The following MICAL1 variants were observed in gnomAD, a reference collection of about 807,000 sequenced individuals.
MICAL1 encodes [F-actin]-monooxygenase MICAL1.
Under a neutral mutation model 131.8 loss-of-function variants are expected in MICAL1, and 95 were observed. The observed-to-expected ratio is 0.72, with a 90% CI of 0.61 to 0.86. The LOEUF (loss-of-function observed/expected upper bound fraction) is 0.86. MICAL1 is among the 40% of genes least tolerant of loss of function. The probability of loss-of-function intolerance (pLI) is 0.00; values close to 1 mark genes in which losing one functional copy is unlikely to be tolerated. For synonymous variants in MICAL1, 546 were observed against 554.2 expected, an observed-to-expected ratio of 0.99 and a Z score of 0.21; for missense variants, 1,292 against 1,380.6, an observed-to-expected ratio of 0.94 and a Z score of 1.02.
intron 11 of MICAL1, 182 bp downstream of exon 11, chr6:109,449,218 C>T: frequency 1.3e-6 from 1 of 743,448 alleles, no homozygotes; most frequent in South Asian, 1.5e-5. Context: ...TGGCAGCCAA[C>T]TGCTGCCTGT....
chr6:109,446,403 T>C lies in MICAL1; in HGVS notation c.2314A>G (p.Thr772Ala), dbSNP rs746354485. ...DRGPESPELP[T>A]PSENSMPPGL... is the part of the protein sequence containing the mutation. Reference sequence around the variant, plus strand: ...GGTGGCATGCTATTCTCACTTGGTGTGGGGAGCTCCTGGAAAAGCCACCAT... The same window carrying C: ...GGTGGCATGCTATTCTCACTTGGTGCGGGGAGCTCCTGGAAAAGCCACCAT... The change falls in exon 19 of 25, where the codon ACA becomes GCA. Residue 772 changes from threonine (T) to alanine (A), a missense_variant. Transcript: ENST00000358807. The C allele has an allele frequency of 1.8e-5, 23 of 1,246,568 alleles. No individual in the cohort carries two copies. Among genetic ancestry groups the C allele is most frequent in the African/African-American group, 1.6e-4 (5 of 32,090 alleles). The allele number at this position is 1,246,568 out of a possible 1,614,324, so 77.2% of individuals were successfully genotyped here. A position where few individuals can be genotyped will look rare whatever the true frequency, so the allele number is the denominator to read the frequency against.
intron 1 of MICAL1, chr6:109,465,389 G>A (rs12529135): frequency 4.1e-6 from 2 of 492,896 alleles, no homozygotes; most frequent in Admixed American, 7.5e-5. Context: ...GCCCTGACTT[G>A]TCTTGTGGTA....
Position 109,453,811 on chromosome 6 carries a change from C to A in MICAL1, c.293G>T (p.Arg98Leu). The stretch of plus-strand genomic sequence containing the variant: ...CAGCAGCGCCAGCTCCACAGCGACC[C>A]GCAGCCCGCAAGGTCCAGCACCCAC... The part of the protein sequence containing the change: ...LVVGAGPCGL[R>L]VAVELALLGA... The change falls in exon 3 of 25, where the codon CGG becomes CTG. Residue 98 changes from arginine (R) to leucine (L), a missense_variant. Arg to Leu is a moderately radical substitution (Grantham distance 102). Coordinates refer to ENST00000358807, the MANE Select transcript of MICAL1 (RefSeq NM_022765.4). 6.2e-7 allele frequency: 1 copy of A among 1,613,656 alleles called. No individual in the cohort carries two copies. Among genetic ancestry groups the A allele is most frequent in the Non-Finnish European group, 8.5e-7 (1 of 1,180,024 alleles).
rs777642656 is a variant in MICAL1, at chr6:109,447,126, T to C, written c.2174A>G (p.His725Arg). Residue 725 changes from histidine to arginine, a missense_variant, in exon 17 of 25, where the codon CAT becomes CGT. Coordinates refer to ENST00000358807, the MANE Select transcript of MICAL1 (RefSeq NM_022765.4). ...TGGCCACAGTGTGGCCTCACAGGTA[T>C]GGCAGCGGAAGCAGCTCCGGTGGAA... ...HFFHRSCFRC[H>R]TCEATLWPGG... The C allele has an allele frequency of 1.9e-6, 3 of 1,614,188 alleles. No individual in the cohort carries two copies. The highest frequency in any genetic ancestry group is 2.2e-5 in the East Asian group (1 of 44,884).
intron 13 of MICAL1, 50 bp from the exon 14 acceptor site, chr6:109,448,013 ACT>A: frequency 2.0e-6 from 3 of 1,519,000 alleles, no homozygotes; most frequent in Non-Finnish European, 2.7e-6. Context: ...CCAATACTGT[ACT>A]CTCAGAACAG....
chr6:109,465,465 G>A (rs748332897), intron 1 of MICAL1: 22 of 612,384 alleles, frequency 3.6e-5, no homozygotes, highest in Non-Finnish European at 5.6e-5. Context: ...CAACCAAAAT[G>A]ACTCCCTTTG....
Position 109,455,653 on chromosome 6 carries a change from G to C in MICAL1, c.-44+66C>G. ...CGAGCGACCGCAGCTGCGTTTCCCC[G>C]GAAGCGCACCCCACCTCACCCCACC... is the stretch of plus-strand genomic sequence containing the variant. On this transcript the variant is annotated intron_variant, in intron 1 of 24. Coordinates refer to ENST00000358807, the MANE Select transcript of MICAL1 (RefSeq NM_022765.4). The surrounding 1 kb of genome is among the most constrained non-coding windows in gnomAD (Gnocchi z 4.7). The C allele has an allele frequency of 1.0e-6, 1 of 966,376 alleles. No individual in the cohort carries two copies. Among genetic ancestry groups the C allele is most frequent in the Non-Finnish European group, 1.2e-6 (1 of 812,494 alleles). 59.9% of individuals were successfully genotyped at this position (966,376 alleles called of 1,614,324 possible).
Position 109,450,551 on chromosome 6 carries a change from G to C in MICAL1, c.940C>G (p.Pro314Ala), listed in dbSNP as rs1775497462. The change falls in exon 8 of 25, where the codon CCA (proline) becomes GCA (alanine). Residue 314 changes from proline to alanine, a missense_variant. Coordinates refer to ENST00000358807, the MANE Select transcript of MICAL1 (RefSeq NM_022765.4). Reference protein sequence around the residue: ...LRLGVLRQDWPDTNRLLGSAN... With the variant: ...LRLGVLRQDWADTNRLLGSAN... ...CTGCCCAGCAGCCGATTGGTGTCTG[G>C]CCAGTCCTGTATGGTCAACAGAGCA... 5.6e-6 allele frequency: 9 copies of C among 1,607,242 alleles called. No homozygotes were observed. In the East Asian group the frequency reaches 2.0e-4, roughly 36 times the overall value.
chr6:109,448,133 T>TCACACACA (rs3054663), intron 13 of MICAL1, 70 bp downstream of exon 13: 11 of 1,448,904 alleles, frequency 7.6e-6, no homozygotes, highest in East Asian at 2.4e-5. Context: ...TCTCCCTCTG[T>TCACACACA]CACACACACA....
rs770121653 is a variant in MICAL1 at position 109,455,325 on chromosome 6, C to A, written c.-44+394G>T. Among the ~76,000 whole-genome samples the A allele has an allele frequency of 3.2e-4, 48 of 152,302 alleles. No homozygotes were observed. The highest frequency in any genetic ancestry group is 1.6e-4 in the Non-Finnish European group (11 of 68,024). ...GCCGCGCCGAGACAGGAGATGAAAG[C>A]CTCCCGCTGCGGGTGGCCCGGACGA... On this transcript the variant is annotated intron_variant, in intron 1 of 24. Coordinates refer to ENST00000358807, the MANE Select transcript of MICAL1 (RefSeq NM_022765.4). This position sits in a 1 kb window ranked among gnomAD's most constrained non-coding sequence, Gnocchi z 4.7.
In MICAL1 at chr6:109,445,821, A is replaced by C. The variant is rs201086049; in HGVS notation, c.2623T>G (p.Ser875Ala). The part of the protein sequence containing the change: ...MEKEEKESPF[S>A]SEEEEEDVPL... ...ACATCTTCTTCTTCCTCTTCACTGG[A>C]GAAGGGACTCTCTTTTTCCTCCTTC... The change falls in exon 20 of 25, where the codon TCC (serine) becomes GCC (alanine). Residue 875 changes from serine to alanine, a missense_variant. Ser to Ala is a moderately conservative substitution (Grantham distance 99, BLOSUM62 1). Coordinates refer to ENST00000358807, the MANE Select transcript of MICAL1 (RefSeq NM_022765.4). 3.1e-6 allele frequency: 5 copies of C among 1,611,190 alleles called. No individual in the cohort carries two copies. The East Asian group carries it at 1.1e-4, about 36-fold the overall frequency.
At chr6:109,449,065 T>C (rs1336367091) in intron 11 of MICAL1, 186 bp from the exon 12 acceptor site, 5 of 819,488 alleles carry the variant, frequency 6.1e-6, no homozygotes, top group Non-Finnish European at 9.3e-6. Context: ...AAAAAATCTC[T>C]TTGGAATAAA....
Position 109,450,028 on chromosome 6 carries a change from C to A in MICAL1, c.1249G>T (p.Ala417Ser). 1 of 1,614,150 alleles carries A rather than the reference C, an allele frequency of 6.2e-7. No individual in the cohort carries two copies. Among genetic ancestry groups the A allele is most frequent in the Non-Finnish European group, 8.5e-7 (1 of 1,180,018 alleles). The change falls in exon 9 of 25, where the codon GCC becomes TCC. Residue 417 changes from alanine (A) to serine (S), a missense_variant. By Grantham distance (99) the Ala-to-Ser change is moderately conservative. Coordinates refer to ENST00000358807, the MANE Select transcript of MICAL1 (RefSeq NM_022765.4). ...ARGFLAAFDA[A>S]WMVKRWAEGA... Reference sequence around the variant, plus strand: ...TCTGCCCACCGCTTCACCATCCAGGCTGCATCAAAGGCTGCCAGGAAGCCC... The same window carrying A: ...TCTGCCCACCGCTTCACCATCCAGGATGCATCAAAGGCTGCCAGGAAGCCC...
chr6:109,447,995 G>T (rs765513353), intron 13 of MICAL1, 32 bp from the exon 14 acceptor site: 10 of 1,568,362 alleles, frequency 6.4e-6, no homozygotes, highest in Non-Finnish European at 8.7e-6. Flanking sequence ...CAGTGTGGAT[G>T]GGGGGTGCCA....
Position 109,444,271 on chromosome 6 carries a change from T to A in MICAL1, c.3124A>T (p.Asn1042Tyr). The A allele has an allele frequency of 6.2e-7, 1 of 1,613,630 alleles. No individual in the cohort carries two copies. Among genetic ancestry groups the A allele is most frequent in the Non-Finnish European group, 8.5e-7 (1 of 1,180,028 alleles). The change falls in exon 25 of 25, where the codon AAC becomes TAC. Residue 1042 changes from asparagine (N) to tyrosine (Y), a missense_variant. Physicochemically the swap from Asn to Tyr is moderately radical, Grantham distance 143 (BLOSUM62 -2). Transcript: ENST00000358807. ...QVLRKLVDLV[N>Y]QRDALIRFQE... The stretch of plus-strand genomic sequence containing the variant: ...AAGCGGATGAGGGCATCTCTCTGGT[T>A]GACCAAATCCACCAGCTTCCTCAGG...
intron 3 of MICAL1, 32 bp downstream of exon 3, chr6:109,453,606 C>A: frequency 6.4e-7 from 1 of 1,559,362 alleles, no homozygotes; most frequent in South Asian, 1.2e-5. Context: ...CCCAAGCTCA[C>A]CCGCCCCTCC....
At chr6:109,449,332 C>T in intron 11 of MICAL1, 68 bp downstream of exon 11, 1 of 1,529,002 alleles carries the variant, frequency 6.5e-7, no homozygotes, top group Non-Finnish European at 9.1e-7. Context: ...AGCTGCTTTG[C>T]AGGGACCACC....
At position 109,447,237 on chromosome 6, in the gene MICAL1, G is replaced by T; in HGVS notation, c.2071-8C>A. On this transcript the variant is annotated splice_region_variant and splice_polypyrimidine_tract_variant and intron_variant, in intron 16 of 24. Transcript: ENST00000358807. ...CAGGTCCCCAGCACCGGCCTGCGTG[G>T]ACCCCCAGGACACAGGGTCAGGTGG... 6.2e-7 allele frequency: 1 copy of T among 1,613,926 alleles called. No homozygotes were observed. Among genetic ancestry groups the T allele is most frequent in the South Asian group, 1.1e-5 (1 of 91,076 alleles).
Position 109,447,879 on chromosome 6 carries a change from G to A in MICAL1, c.1940C>T (p.Ala647Val). 6.2e-7 allele frequency: 1 copy of A among 1,613,134 alleles called. No homozygotes were observed. Among genetic ancestry groups the A allele is most frequent in the South Asian group, 1.1e-5 (1 of 90,974 alleles). Residue 647 changes from alanine (A) to valine (V), a missense_variant, in exon 14 of 25, where the codon GCC becomes GTC. Coordinates refer to ENST00000358807, the MANE Select transcript of MICAL1 (RefSeq NM_022765.4). ...KLQRTLQRSRAKENAEDAGGK... is the reference protein window; with the variant it reads ...KLQRTLQRSRVKENAEDAGGK... ...AGCCCTGCCTAAACTCTCCACCTTG[G>A]CCCGGGATCGCTGCAGGGTCCTCTG...
Sources: allele counts gnomAD v4.1 joint callset (sites outside exome capture counted in the v4.1 genomes callset), GRCh38; gene constraint gnomAD v4.1.1; non-coding constraint Gnocchi (gnomAD v3.1); transcripts MANE v1.5; gene names NCBI Gene and HGNC (gene_info 2026-07-23, HGNC 2026-07-21).